The following DOCK4 variants were observed in gnomAD, a reference collection of about 807,000 sequenced individuals.
DOCK4 encodes dedicator of cytokinesis protein 4.
A neutral mutation model predicts 268.1 loss-of-function variants in DOCK4; 97 were observed. That is an observed-to-expected ratio of 0.36 (90% CI 0.31 to 0.43). The LOEUF (loss-of-function observed/expected upper bound fraction) is 0.43, where lower values mean the gene tolerates loss of function less well. Among genes scored for constraint, DOCK4 ranks in the 20% least tolerant of loss-of-function variants. DOCK4 has a pLI of 1.00. For missense variants in DOCK4, 2,145 were observed against 2,455.7 expected, an observed-to-expected ratio of 0.87 and a Z score of 2.67; for synonymous variants, 954 against 887.2, an observed-to-expected ratio of 1.08 and a Z score of -1.34.
chr7:111,951,742 T>C (rs1243229104), intron 8 of DOCK4, among the ~76,000 whole-genome samples: 1 of 150,176 alleles, frequency 6.7e-6, no homozygotes, highest in African/African-American at 2.5e-5. Flanking sequence ...AGTAGCTGAG[T>C]AGTCCCAGCT....
intron 46 of DOCK4, 23 bp from the exon 47 acceptor site, chr7:111,741,237 G>C (rs766599187): frequency 1.2e-6 from 2 of 1,612,360 alleles, no homozygotes; most frequent in Admixed American, 3.4e-5. Context: ...GAAAAAAAAG[G>C]TCATTAACTC....
intron 16 of DOCK4, among the ~76,000 whole-genome samples, chr7:111,887,094 A>G (rs1333187560): frequency 6.6e-6 from 1 of 152,188 alleles, no homozygotes; most frequent in Non-Finnish European, 1.5e-5. Context: ...CTCTGGTTTA[A>G]ATTCCTTGGA....
At chr7:111,733,390 G>T (rs1271216567) in intron 51 of DOCK4, among the ~76,000 whole-genome samples, 1 of 152,204 alleles carries the variant, frequency 6.6e-6, no homozygotes, top group Non-Finnish European at 1.5e-5. Flanking sequence ...CACTGGTAGT[G>T]TGCAGCCTCT....
In DOCK4 at chr7:111,834,789, G is replaced by A. The variant is rs1803108726; in HGVS notation, c.2737-103C>T. The stretch of plus-strand genomic sequence containing the variant: ...GTCCTCAAAGAGAATAGGTTAAAAT[G>A]AAATCACGATGATCCAAACTTGCCC... On this transcript the variant is annotated intron_variant, in intron 25 of 52. Transcript: ENST00000428084. The A allele has an allele frequency of 4.1e-6, 3 of 739,554 alleles. No homozygotes were observed. The East Asian group carries it at 9.2e-5, about 23-fold the overall frequency. 45.8% of individuals were successfully genotyped at this position (739,554 alleles called of 1,614,324 possible).
At chr7:111,846,911 T>C (rs1804152811) in intron 24 of DOCK4, 88 bp downstream of exon 24, 1 of 1,435,792 alleles carries the variant, frequency 7.0e-7, no homozygotes, top group African/African-American at 1.4e-5. Context: ...AGGCTTCCTC[T>C]TTAGTGCGGT....
chr7:112,187,066 G>A (rs964947738), intron 1 of DOCK4, among the ~76,000 whole-genome samples: 14 of 151,970 alleles, frequency 9.2e-5, no homozygotes, highest in African/African-American at 3.4e-4. Flanking sequence ...AAGCATGATA[G>A]ACTAGCATTT....
intron 13 of DOCK4, 68 bp downstream of exon 13, chr7:111,915,711 T>G: frequency 6.5e-7 from 1 of 1,549,848 alleles, no homozygotes; most frequent in South Asian, 1.2e-5. Context: ...ATTTGAAAAA[T>G]TTCTCAAACA....
intron 1 of DOCK4, among the ~76,000 whole-genome samples, chr7:112,197,970 G>GAAA (rs10525534): frequency 1.5e-4 from 17 of 111,038 alleles, no homozygotes; most frequent in African/African-American, 2.1e-4. Context: ...GACCTGCCTA[G>GAAA]AAAAAAAAAA....
intron 25 of DOCK4, among the ~76,000 whole-genome samples, chr7:111,841,821 A>G (rs1376221723): frequency 1.3e-5 from 2 of 152,154 alleles, no homozygotes; most frequent in Non-Finnish European, 2.9e-5. Flanking sequence ...AAGTCTCGTA[A>G]TTGGCATTAC....
chr7:111,849,486 C>T (rs1255563664), intron 23 of DOCK4, among the ~76,000 whole-genome samples: 2 of 152,160 alleles, frequency 1.3e-5, no homozygotes, highest in African/African-American at 2.4e-5. Flanking sequence ...TGGTCTTGAA[C>T]TCCTGACCTC....
At chr7:112,172,205 G>C (rs919852135) in intron 1 of DOCK4, among the ~76,000 whole-genome samples, 1 of 151,484 alleles carries the variant, frequency 6.6e-6, no homozygotes, top group East Asian at 1.9e-4. Flanking sequence ...CCTGTGCTGT[G>C]CATTTTGGGA....
At chr7:111,880,034 G>T (rs1054035599) in intron 16 of DOCK4, among the ~76,000 whole-genome samples, 1 of 152,152 alleles carries the variant, frequency 6.6e-6, no homozygotes, top group Admixed American at 6.5e-5. Flanking sequence ...TAATAACAGA[G>T]AAATTCCCAA....
intron 25 of DOCK4, among the ~76,000 whole-genome samples, chr7:111,835,230 G>T (rs979853475): frequency 6.6e-6 from 1 of 152,064 alleles, no homozygotes; most frequent in African/African-American, 2.4e-5. Flanking sequence ...CTCCATTTTT[G>T]AATTCAAATG....
intron 23 of DOCK4, among the ~76,000 whole-genome samples, chr7:111,853,116 G>A (rs1172397931): frequency 3.3e-5 from 5 of 152,144 alleles, no homozygotes; most frequent in Non-Finnish European, 7.3e-5. Context: ...CACTGGACAC[G>A]GGACTAGGAA....
intron 16 of DOCK4, among the ~76,000 whole-genome samples, chr7:111,885,421 C>T (rs545584253): frequency 1.3e-5 from 2 of 152,224 alleles, no homozygotes; most frequent in African/African-American, 4.8e-5. Flanking sequence ...TGGAGCATGG[C>T]AATGTGGATA....
chr7:111,731,866 GT>G (rs1795111315), intron 52 of DOCK4, among the ~76,000 whole-genome samples: 1 of 152,080 alleles, frequency 6.6e-6, no homozygotes, highest in Admixed American at 6.5e-5. Flanking sequence ...CTAAGTGTGT[GT>G]GTGTGTGTTT....
intron 1 of DOCK4, among the ~76,000 whole-genome samples, chr7:112,183,925 G>C (rs1205183660): frequency 5.3e-5 from 8 of 152,120 alleles, no homozygotes; most frequent in Admixed American, 5.2e-4. Context: ...AATTCCTACA[G>C]TACCTTCTCA....
intron 12 of DOCK4, among the ~76,000 whole-genome samples, chr7:111,930,633 C>CG (rs1794123165): frequency 6.6e-6 from 1 of 152,174 alleles, no homozygotes; most frequent in Non-Finnish European, 1.5e-5. Flanking sequence ...GAGAAAACAG[C>CG]GGAAGTCAAC....
At chr7:112,161,652 T>C (rs1276603379) in intron 1 of DOCK4, among the ~76,000 whole-genome samples, 1 of 152,196 alleles carries the variant, frequency 6.6e-6, no homozygotes, top group Admixed American at 6.5e-5. Flanking sequence ...GGCTGATTTA[T>C]GTGATGTCAG....
Sources: gnomAD v4.1 joint callset for allele counts (sites outside exome capture counted in the v4.1 genomes callset) on GRCh38, gnomAD v4.1.1 for gene constraint, MANE v1.5 for transcripts, NCBI Gene and HGNC (gene_info 2026-07-23, HGNC 2026-07-21) for gene names.